IL18: variants seen among roughly 807,000 people sequenced by gnomAD.
IL18 encodes interleukin 18.
In IL18, 8 loss-of-function variants were observed where a neutral mutation model predicts 14.2. The ratio of observed to expected loss-of-function variants is 0.56; its 90% CI spans 0.33 to 1.01. The LOEUF (loss-of-function observed/expected upper bound fraction) is 1.01. IL18 is among the 50% of genes least tolerant of loss of function. The pLI, the probability that IL18 is intolerant of heterozygous loss-of-function variation, is 0.03. For synonymous variants in IL18, 67 were observed against 71.0 expected, an observed-to-expected ratio of 0.94 and a Z score of 0.28; for missense variants, 166 against 231.1, an observed-to-expected ratio of 0.72 and a Z score of 1.83.
intron 1 of IL18, among the ~76,000 whole-genome samples, chr11:112,160,839 T>C (rs1866619194): frequency 6.6e-6 from 1 of 152,186 alleles, no homozygotes; most frequent in African/African-American, 2.4e-5. Context: ...TCTTTTTTAT[T>C]TCATGTGTTG....
intron 4 of IL18, among the ~76,000 whole-genome samples, chr11:112,149,435 T>C (rs571203458): frequency 6.6e-5 from 10 of 152,250 alleles, no homozygotes; most frequent in Non-Finnish European, 1.2e-4. Context: ...TTAAAATATA[T>C]GTTAAGGTAA....
intron 1 of IL18, among the ~76,000 whole-genome samples, 178 bp downstream of exon 1, chr11:112,163,728 C>T (rs1592820710): frequency 1.3e-5 from 2 of 152,162 alleles, no homozygotes; most frequent in African/African-American, 4.8e-5. Flanking sequence ...GTGATACTCT[C>T]CCATATCTGA....
At position 112,150,121 on chromosome 11, in the gene IL18, G is replaced by T; in HGVS notation, c.177C>A (p.Asp59Glu). 6.2e-7 allele frequency: 1 copy of T among 1,611,066 alleles called. No individual in the cohort carries two copies. The highest frequency in any genetic ancestry group is 8.5e-7 in the Non-Finnish European group (1 of 1,178,156). The change falls in exon 4 of 6, where the codon GAC becomes GAA. Residue 59 changes from aspartate to glutamate, a missense_variant. Coordinates refer to ENST00000280357, the MANE Select transcript of IL18 (RefSeq NM_001562.4). ...CTTCAAATAGAGGCCGATTTCCTTG[G>T]TCAATGAAGAGAACTTGGTCATTCA... Reference protein sequence around the residue: ...RNLNDQVLFIDQGNRPLFEDM... With the variant: ...RNLNDQVLFIEQGNRPLFEDM...
intron 5 of IL18, among the ~76,000 whole-genome samples, chr11:112,147,145 G>T (rs371828055): frequency 4.6e-5 from 7 of 151,740 alleles, no homozygotes; most frequent in African/African-American, 1.7e-4. Flanking sequence ...GGTCAGGCTG[G>T]TCTTGAACTC....
chr11:112,151,988 T>C (rs920633932), intron 3 of IL18, among the ~76,000 whole-genome samples: 1 of 152,202 alleles, frequency 6.6e-6, no homozygotes, highest in African/African-American at 2.4e-5. Context: ...TTTATCTCTA[T>C]AGATTCAAAT....
intron 5 of IL18, among the ~76,000 whole-genome samples, chr11:112,145,538 G>A (rs1866321536): frequency 6.6e-6 from 1 of 152,122 alleles, no homozygotes; most frequent in Non-Finnish European, 1.5e-5. Flanking sequence ...AGGAGATCGA[G>A]ACCATCCTGG....
intron 1 of IL18, among the ~76,000 whole-genome samples, chr11:112,158,623 AACCTGT>A (rs1344647255): frequency 6.6e-6 from 1 of 151,324 alleles, no homozygotes; most frequent in African/African-American, 2.4e-5. Context: ...GCACAATAAT[AACCTGT>A]ATGTCTGAAG....
chr11:112,158,259 A>G (rs1250106259), intron 1 of IL18, among the ~76,000 whole-genome samples: 1 of 152,220 alleles, frequency 6.6e-6, no homozygotes, highest in Non-Finnish European at 1.5e-5. Flanking sequence ...AAAGGCTGGG[A>G]CTACAGGCAA....
At position 112,143,493 on chromosome 11, in the gene IL18, G is replaced by A; in HGVS notation, c.*103C>T. Reference sequence around the variant, plus strand: ...GATGAGGTTTCACCATGTTGGTCAGGCTGGTCTTGAACACCTGACCTCTGG... The same window carrying A: ...GATGAGGTTTCACCATGTTGGTCAGACTGGTCTTGAACACCTGACCTCTGG... On this transcript the variant is annotated 3_prime_UTR_variant, in exon 6 of 6. Transcript: ENST00000280357. 1.5e-6 allele frequency: 1 copy of A among 680,574 alleles called. No homozygotes were observed. The highest frequency in any genetic ancestry group is 2.5e-6 in the Non-Finnish European group (1 of 400,498). 42.2% of individuals were successfully genotyped at this position (680,574 alleles called of 1,614,324 possible). A position where few individuals can be genotyped will look rare whatever the true frequency, so the allele number is the denominator to read the frequency against.
chr11:112,150,893 T>C (rs1866426401), intron 3 of IL18: 3 of 152,266 alleles, frequency 2.0e-5, no homozygotes, highest in Admixed American at 2.0e-4. Flanking sequence ...CAAATTTAAC[T>C]CTGGCAGCAC....
chr11:112,155,409 T>C (rs548988096), intron 1 of IL18, among the ~76,000 whole-genome samples: 2 of 152,198 alleles, frequency 1.3e-5, no homozygotes, highest in Admixed American at 6.5e-5. Context: ...TAAACACATC[T>C]AATCGTGCCC....
chr11:112,153,623 A>G lies in IL18; in HGVS notation c.80-20T>C. 5 of 1,538,640 alleles carry G rather than the reference A, an allele frequency of 3.2e-6. No individual in the cohort carries two copies. The highest frequency in any genetic ancestry group is 4.4e-6 in the Non-Finnish European group (5 of 1,130,194). The stretch of plus-strand genomic sequence containing the variant: ...CTTCAGCTAAGAGGGGGAAAAAGAG[A>G]GAAACAGAATATGTAAAATTTTGTA... On this transcript the variant is annotated intron_variant, in intron 2 of 5. Transcript: ENST00000280357.
At chr11:112,151,569 T>C (rs1250790174) in intron 3 of IL18, among the ~76,000 whole-genome samples, 1 of 152,240 alleles carries the variant, frequency 6.6e-6, no homozygotes, top group Admixed American at 6.5e-5. Context: ...TTGCAGCTAG[T>C]CTTGTTTCTC....
chr11:112,150,250 T>G (rs781702645), intron 3 of IL18, 44 bp from the exon 4 acceptor site: 1 of 1,310,612 alleles, frequency 7.6e-7, no homozygotes, highest in Admixed American at 1.9e-5. Context: ...ATAGTTTCTT[T>G]GTTAATTGAC....
In IL18 at chr11:112,150,088, A is replaced by G; in HGVS notation, c.210T>C (p.Thr70=). 6.2e-7 allele frequency: 1 copy of G among 1,604,244 alleles called. No individual in the cohort carries two copies. The highest frequency in any genetic ancestry group is 8.5e-7 in the Non-Finnish European group (1 of 1,177,234). The change falls in exon 4 of 6, where the codon ACT becomes ACC. Residue 70 remains threonine, a synonymous_variant. Transcript: ENST00000280357. ...AAAAAATACCTCTACAGTCAGAATC[A>G]GTCATATCTTCAAATAGAGGCCGAT... The part of the protein sequence containing the change: ...QGNRPLFEDM[T]DSDCRDNAPR...
At chr11:112,154,280 T>A (rs1353422216) in intron 2 of IL18, among the ~76,000 whole-genome samples, 1 of 152,088 alleles carries the variant, frequency 6.6e-6, no homozygotes, top group African/African-American at 2.4e-5. Flanking sequence ...ATCCCAGCAC[T>A]TTGGGAGGCC....
intron 1 of IL18, among the ~76,000 whole-genome samples, chr11:112,159,533 TGA>T (rs1371644233): frequency 6.6e-6 from 1 of 152,174 alleles, no homozygotes; most frequent in Non-Finnish European, 1.5e-5. Context: ...AAGGAGGAAC[TGA>T]GGATGACTTC....
At chr11:112,161,077 T>A (rs1040590380) in intron 1 of IL18, among the ~76,000 whole-genome samples, 4 of 138,816 alleles carry the variant, frequency 2.9e-5, no homozygotes, top group East Asian at 3.9e-4. Flanking sequence ...ACTACTGACT[T>A]TTTTTTTTTT....
intron 5 of IL18, among the ~76,000 whole-genome samples, chr11:112,145,693 C>T (rs985543338): frequency 6.6e-6 from 1 of 151,372 alleles, no homozygotes; most frequent in Non-Finnish European, 1.5e-5. Flanking sequence ...GAGCTGAGAT[C>T]GTGCCACTGC....
Sources: gnomAD v4.1 joint callset for allele counts (sites outside exome capture counted in the v4.1 genomes callset) on GRCh38, gnomAD v4.1.1 for gene constraint, MANE v1.5 for transcripts, NCBI Gene and HGNC (gene_info 2026-07-23, HGNC 2026-07-21) for gene names.